Variants in FHIT observed in about 807,000 individuals in gnomAD.
The protein encoded by FHIT is fragile histidine triad diadenosine triphosphatase.
FHIT carries 19 observed loss-of-function variants against 17.9 expected under a neutral mutation model. The observed-to-expected ratio is 1.06, with a 90% confidence interval of 0.74 to 1.56. The LOEUF (loss-of-function observed/expected upper bound fraction) is 1.56. Among genes scored for constraint, FHIT ranks in the 40% most tolerant of loss-of-function variants. The probability of loss-of-function intolerance (pLI) is 0.00; values close to 1 mark genes in which losing one functional copy is unlikely to be tolerated. For synonymous variants in FHIT, 81 were observed against 69.7 expected, an observed-to-expected ratio of 1.16 and a Z score of -0.81; for missense variants, 248 against 189.2, an observed-to-expected ratio of 1.31 and a Z score of -1.82.
chr3:61,214,481 C>T (rs1035772959), intron 1 of FHIT, among the ~76,000 whole-genome samples: 1 of 152,172 alleles, frequency 6.6e-6, no homozygotes, highest in Admixed American at 6.5e-5. Context: ...TCTGAATAGA[C>T]CAATGACAGG....
chr3:60,562,244 A>C (rs1180608077), intron 4 of FHIT, among the ~76,000 whole-genome samples: 1 of 152,168 alleles, frequency 6.6e-6, no homozygotes, highest in Admixed American at 6.6e-5. Flanking sequence ...ATGGTTACGG[A>C]AAGACAGCAG....
intron 2 of FHIT, among the ~76,000 whole-genome samples, chr3:61,093,046 T>C (rs1167545881): frequency 1.3e-5 from 2 of 152,156 alleles, no homozygotes; most frequent in Non-Finnish European, 2.9e-5. Context: ...CAAATCCCAG[T>C]GTGGTCCACC....
chr3:60,910,024 C>T (rs1449764788), intron 3 of FHIT, among the ~76,000 whole-genome samples: 1 of 152,098 alleles, frequency 6.6e-6, no homozygotes, highest in African/African-American at 2.4e-5. Context: ...AAATGAACAC[C>T]TATTATTTTG....
intron 5 of FHIT, among the ~76,000 whole-genome samples, chr3:60,144,847 C>A (rs1034373951): frequency 2.0e-5 from 3 of 152,116 alleles, no homozygotes; most frequent in African/African-American, 7.2e-5. Flanking sequence ...TCCTATCTGG[C>A]TGTTGATTGT....
chr3:59,964,570 G>A (rs539865755), intron 7 of FHIT, among the ~76,000 whole-genome samples: 28 of 152,204 alleles, frequency 1.8e-4, no homozygotes, highest in Admixed American at 4.6e-4. Flanking sequence ...AAAGTCTTAT[G>A]ATTATGTGGA....
At chr3:60,990,848 A>C (rs2030136542) in intron 3 of FHIT, among the ~76,000 whole-genome samples, 1 of 152,228 alleles carries the variant, frequency 6.6e-6, no homozygotes, top group South Asian at 2.1e-4. Flanking sequence ...AAAATATATA[A>C]GGAAATGTCT....
chr3:60,499,492 C>A (rs924841638), intron 5 of FHIT, among the ~76,000 whole-genome samples: 16 of 152,008 alleles, frequency 1.1e-4, no homozygotes, highest in African/African-American at 3.9e-4. Flanking sequence ...CCCGGGTTCA[C>A]GCGACTCTCC....
At chr3:60,990,670 G>T (rs1008078421) in intron 3 of FHIT, among the ~76,000 whole-genome samples, 1 of 152,050 alleles carries the variant, frequency 6.6e-6, no homozygotes, top group Admixed American at 6.5e-5. Context: ...TCTGACATTT[G>T]GGAAATTGCT....
intron 1 of FHIT, among the ~76,000 whole-genome samples, chr3:61,219,865 A>G (rs902949075): frequency 1.3e-5 from 2 of 152,180 alleles, no homozygotes; most frequent in African/African-American, 4.8e-5. Context: ...ATTTAAACAA[A>G]TATCTTTCCG....
intron 5 of FHIT, among the ~76,000 whole-genome samples, chr3:60,111,431 C>A: frequency 6.6e-6 from 1 of 152,166 alleles, no homozygotes; most frequent in Non-Finnish European, 1.5e-5. Context: ...CCCTCTAAAA[C>A]CACTGATATA....
chr3:60,860,441 GTA>G (rs1491322895), intron 3 of FHIT, among the ~76,000 whole-genome samples: 2 of 121,636 alleles, frequency 1.6e-5, no homozygotes, highest in African/African-American at 6.2e-5. Context: ...TATATATCAT[GTA>G]TATATGATAC....
chr3:60,979,653 T>C (rs1214852625), intron 3 of FHIT, among the ~76,000 whole-genome samples: 1 of 152,040 alleles, frequency 6.6e-6, no homozygotes, highest in East Asian at 1.9e-4. Context: ...CACTAAAGGG[T>C]CTCAGGGCAG....
intron 3 of FHIT, among the ~76,000 whole-genome samples, chr3:60,884,756 T>TTCTA (rs1246056775): frequency 1.3e-5 from 2 of 151,548 alleles, no homozygotes; most frequent in Non-Finnish European, 2.9e-5. Flanking sequence ...TATGGCAAGA[T>TTCTA]TCTATCTCTA....
chr3:60,375,704 T>C (rs1016545672), intron 5 of FHIT, among the ~76,000 whole-genome samples: 1 of 152,256 alleles, frequency 6.6e-6, no homozygotes, highest in Admixed American at 6.5e-5. Flanking sequence ...TCTGGAGCTG[T>C]CTTCTGCCTG....
chr3:60,278,294 C>T (rs1707264047), intron 5 of FHIT, among the ~76,000 whole-genome samples: 1 of 152,144 alleles, frequency 6.6e-6, no homozygotes. Flanking sequence ...AGATTGTTCT[C>T]TGTAAGAAAG....
chr3:61,169,431 A>G (rs1040840761), intron 2 of FHIT, among the ~76,000 whole-genome samples: 1 of 152,204 alleles, frequency 6.6e-6, no homozygotes, highest in Admixed American at 6.5e-5. Flanking sequence ...TCATTTTTAT[A>G]CCTATATGAG....
intron 1 of FHIT, among the ~76,000 whole-genome samples, chr3:61,211,944 G>C (rs1406933645): frequency 3.9e-5 from 6 of 152,192 alleles, no homozygotes; most frequent in African/African-American, 1.2e-4. Context: ...GCAGCTGAGG[G>C]TCCTGTCTCG....
chr3:60,727,895 T>C (rs1553710012), intron 4 of FHIT, among the ~76,000 whole-genome samples: 1 of 151,956 alleles, frequency 6.6e-6, no homozygotes, highest in African/African-American at 2.4e-5. Flanking sequence ...TCCCAGCTAA[T>C]CGGGAGGCTG....
chr3:61,157,174 G>A (rs2037556221), intron 2 of FHIT, among the ~76,000 whole-genome samples: 2 of 152,118 alleles, frequency 1.3e-5, no homozygotes, highest in African/African-American at 2.4e-5. Context: ...TCCATATGTT[G>A]TAAGGGATAC....
Sources: allele counts gnomAD v4.1 joint callset (sites outside exome capture counted in the v4.1 genomes callset), GRCh38; gene constraint gnomAD v4.1.1; transcripts MANE v1.5; gene names NCBI Gene and HGNC (gene_info 2026-07-23, HGNC 2026-07-21).